Variants in MARCHF3 observed in about 807,000 individuals in gnomAD.
MARCHF3 encodes the protein membrane associated ring-CH-type finger 3.
Under a neutral mutation model 24.2 loss-of-function variants are expected in MARCHF3, and 13 were observed. That is an observed-to-expected ratio of 0.54 (90% confidence interval 0.35 to 0.85). The LOEUF (loss-of-function observed/expected upper bound fraction) is 0.85, where lower values mean the gene tolerates loss of function less well. MARCHF3 is among the 40% of genes least tolerant of loss of function. The pLI is 0.01. For missense variants in MARCHF3, 276 were observed against 325.0 expected (o/e 0.85, Z 1.16); for synonymous variants, 144 against 137.3 (o/e 1.05, Z -0.34).
intron 1 of MARCHF3, among the ~76,000 whole-genome samples, chr5:126,952,711 G>A (rs952313633): frequency 5.9e-5 from 9 of 151,810 alleles, no homozygotes; most frequent in Admixed American, 5.9e-4. Context: ...ATCAACTTGG[G>A]ACAGTATCTT....
intron 1 of MARCHF3, among the ~76,000 whole-genome samples, chr5:126,976,980 A>T (rs1003075721): frequency 2.0e-5 from 3 of 152,218 alleles, no homozygotes; most frequent in Admixed American, 6.5e-5. Flanking sequence ...TATGTATATG[A>T]GAGGTGATGC....
intron 3 of MARCHF3, among the ~76,000 whole-genome samples, chr5:126,884,805 T>G (rs1337939633): frequency 6.6e-6 from 1 of 152,204 alleles, no homozygotes; most frequent in South Asian, 2.1e-4. Flanking sequence ...GCCTCCCTGC[T>G]TCCACTCTGG....
intron 3 of MARCHF3, among the ~76,000 whole-genome samples, chr5:126,906,773 T>A (rs931827673): frequency 1.3e-5 from 2 of 152,240 alleles, no homozygotes; most frequent in Admixed American, 1.3e-4. Flanking sequence ...AACCAGCTCC[T>A]GGATTCGTTA....
At chr5:126,942,794 T>C (rs1328094482) in intron 1 of MARCHF3, among the ~76,000 whole-genome samples, 1 of 152,204 alleles carries the variant, frequency 6.6e-6, no homozygotes, top group Non-Finnish European at 1.5e-5. Flanking sequence ...CTCTGACATG[T>C]GTTTTGAAAC....
At chr5:127,020,872 A>T (rs570693055) in intron 1 of MARCHF3, among the ~76,000 whole-genome samples, 1 of 151,502 alleles carries the variant, frequency 6.6e-6, no homozygotes, top group African/African-American at 2.4e-5. Context: ...AATAAATAAA[A>T]ATAATAAAAT....
chr5:126,988,808 G>C (rs900445490), intron 1 of MARCHF3, among the ~76,000 whole-genome samples: 3 of 152,120 alleles, frequency 2.0e-5, no homozygotes, highest in Non-Finnish European at 2.9e-5. Context: ...TTACCACAGA[G>C]ACATGTTGTC....
At chr5:126,978,053 G>A (rs901343643) in intron 1 of MARCHF3, among the ~76,000 whole-genome samples, 1 of 152,228 alleles carries the variant, frequency 6.6e-6, no homozygotes, top group South Asian at 2.1e-4. Context: ...AGGTAGAGCC[G>A]AGGAAAGATG....
chr5:126,870,487 G>T lies in MARCHF3; in HGVS notation c.*146C>A. 1.6e-6 allele frequency: 1 copy of T among 629,636 alleles called. No individual in the cohort carries two copies. Among genetic ancestry groups the T allele is most frequent in the Non-Finnish European group, 2.8e-6 (1 of 360,760 alleles). The allele number at this position is 629,636 out of a possible 1,614,324, so 39.0% of individuals were successfully genotyped here. A position where few individuals can be genotyped will look rare whatever the true frequency, so the allele number is the denominator to read the frequency against. On this transcript the variant is annotated 3_prime_UTR_variant, in exon 5 of 5. Transcript: ENST00000308660. ...TTGCTTTCTTCTGGCGGAGGTTGTT[G>T]CTTGGAGTGATGTGCTAATATGCTC...
At chr5:126,946,395 T>C (rs1052026542) in intron 1 of MARCHF3, 2 of 124,708 alleles carry the variant, frequency 1.6e-5, no homozygotes, top group Non-Finnish European at 3.5e-5. Context: ...AAAAAAGGAA[T>C]AGAATTAAAT....
At chr5:126,925,812 T>C (rs1365345143) in intron 1 of MARCHF3, among the ~76,000 whole-genome samples, 2 of 152,176 alleles carry the variant, frequency 1.3e-5, no homozygotes, top group Non-Finnish European at 1.5e-5. Flanking sequence ...GAGACATTCA[T>C]GGGACATTAC....
chr5:127,019,161 A>G (rs1042742268), intron 1 of MARCHF3, among the ~76,000 whole-genome samples: 1 of 152,222 alleles, frequency 6.6e-6, no homozygotes, highest in Non-Finnish European at 1.5e-5. Context: ...TCTACTCAGA[A>G]TAATTATTGA....
intron 1 of MARCHF3, among the ~76,000 whole-genome samples, chr5:126,976,612 G>A (rs1403043960): frequency 6.6e-6 from 1 of 152,188 alleles, no homozygotes; most frequent in Non-Finnish European, 1.5e-5. Flanking sequence ...GACCTGGGGT[G>A]GCTGATTAGT....
intron 3 of MARCHF3, among the ~76,000 whole-genome samples, chr5:126,909,155 C>G (rs1754415524): frequency 6.6e-6 from 1 of 152,242 alleles, no homozygotes; most frequent in South Asian, 2.1e-4. Flanking sequence ...CAGGGACCCA[C>G]TTGAGGAGGC....
At chr5:126,914,837 A>C in intron 3 of MARCHF3, 93 bp downstream of exon 3, 1 of 1,204,796 alleles carries the variant, frequency 8.3e-7, no homozygotes, top group South Asian at 1.3e-5. Context: ...ACCGTGCTTC[A>C]GTAAAGCTGT....
At chr5:126,954,375 ATTTT>A (rs764704624) in intron 1 of MARCHF3, among the ~76,000 whole-genome samples, 1 of 144,370 alleles carries the variant, frequency 6.9e-6, no homozygotes, top group Non-Finnish European at 1.5e-5. Flanking sequence ...TATGGATACA[ATTTT>A]TTTTTTTTTG....
At chr5:126,900,530 T>C (rs1754070415) in intron 3 of MARCHF3, among the ~76,000 whole-genome samples, 1 of 151,982 alleles carries the variant, frequency 6.6e-6, no homozygotes, top group South Asian at 2.1e-4. Flanking sequence ...AACCCAACTA[T>C]GTCGGCACCC....
At chr5:126,898,288 C>G (rs1448854035) in intron 3 of MARCHF3, among the ~76,000 whole-genome samples, 5 of 152,008 alleles carry the variant, frequency 3.3e-5, no homozygotes, top group African/African-American at 1.2e-4. Context: ...TCTGAAGTAT[C>G]CTATAGATTT....
intron 4 of MARCHF3, among the ~76,000 whole-genome samples, chr5:126,871,905 C>A (rs1318230735): frequency 6.7e-6 from 1 of 148,524 alleles, no homozygotes; most frequent in East Asian, 2.0e-4. Context: ...CAGGGTTTCA[C>A]CATGTTGGCC....
chr5:126,916,615 C>A (rs1184459263), intron 2 of MARCHF3, among the ~76,000 whole-genome samples: 1 of 151,710 alleles, frequency 6.6e-6, no homozygotes, highest in African/African-American at 2.4e-5. Flanking sequence ...TACACTGAGC[C>A]TGTAAAACTC....
Sources: gnomAD v4.1 joint callset for allele counts (sites outside exome capture counted in the v4.1 genomes callset) on GRCh38, gnomAD v4.1.1 for gene constraint, MANE v1.5 for transcripts, NCBI Gene and HGNC (gene_info 2026-07-23, HGNC 2026-07-21) for gene names.